The following GRIA1 variants were observed in gnomAD, a reference collection of about 807,000 sequenced individuals.
GRIA1 encodes glutamate ionotropic receptor AMPA type subunit 1, also known as glutamate receptor 1.
Under a neutral mutation model 99.2 loss-of-function variants are expected in GRIA1, and 31 were observed. The observed-to-expected ratio is 0.31, with a 90% CI of 0.23 to 0.42. The LOEUF is 0.42. Ranked by LOEUF, GRIA1 falls within the 10% of genes least tolerant of loss-of-function variation. The probability of loss-of-function intolerance (pLI) is 1.00; values close to 1 mark genes in which losing one functional copy is unlikely to be tolerated. For missense variants in GRIA1, 782 were observed against 1,157.5 expected, an observed-to-expected ratio of 0.68 and a Z score of 4.71; for synonymous variants, 438 against 432.4, an observed-to-expected ratio of 1.01 and a Z score of -0.16.
chr5:153,745,185 C>T (rs886849806), intron 11 of GRIA1, among the ~76,000 whole-genome samples: 5 of 152,054 alleles, frequency 3.3e-5, no homozygotes, highest in African/African-American at 7.3e-5. Flanking sequence ...TTCGGCTCTC[C>T]GCTTAAATAT....
intron 5 of GRIA1, among the ~76,000 whole-genome samples, chr5:153,656,158 TAGGGACA>T (rs1384024457): frequency 6.6e-6 from 1 of 152,136 alleles, no homozygotes; most frequent in Non-Finnish European, 1.5e-5. Context: ...CCCTTGGCAA[TAGGGACA>T]AAATCACCAC....
At chr5:153,734,531 G>A (rs1180764694) in intron 11 of GRIA1, among the ~76,000 whole-genome samples, 2 of 152,170 alleles carry the variant, frequency 1.3e-5, no homozygotes, top group Admixed American at 6.5e-5. Context: ...TTATGTAAAT[G>A]CTCTCTTCCA....
In GRIA1 at chr5:153,713,129, C is replaced by T. The variant is rs560103984; in HGVS notation, c.1823+7062C>T. Among the ~76,000 whole-genome samples, 9 of 152,322 alleles carry T rather than the reference C, an allele frequency of 5.9e-5. No homozygotes were observed. The South Asian group carries it at 1.7e-3, about 28-fold the overall frequency. ...CCGTAAACATGGAGCCCAGGGTCCGCCAGCTCACTACCCTATAGTATGTTA... is the reference window on the plus strand; with the variant it reads ...CCGTAAACATGGAGCCCAGGGTCCGTCAGCTCACTACCCTATAGTATGTTA... On this transcript the variant is annotated intron_variant, in intron 11 of 15. Coordinates refer to ENST00000285900, the MANE Select transcript of GRIA1 (RefSeq NM_000827.4).
chr5:153,736,237 T>G (rs1291858933), intron 11 of GRIA1, among the ~76,000 whole-genome samples: 1 of 152,242 alleles, frequency 6.6e-6, no homozygotes, highest in Non-Finnish European at 1.5e-5. Flanking sequence ...TCAAAAACGA[T>G]GCCATAAATA....
intron 7 of GRIA1, among the ~76,000 whole-genome samples, chr5:153,685,637 T>C (rs1757288043): frequency 6.6e-6 from 1 of 152,228 alleles, no homozygotes; most frequent in Non-Finnish European, 1.5e-5. Context: ...CTAAATTGCC[T>C]GAGGGCACTT....
chr5:153,571,003 T>C (rs1762065410), intron 2 of GRIA1, among the ~76,000 whole-genome samples: 1 of 152,180 alleles, frequency 6.6e-6, no homozygotes, highest in Non-Finnish European at 1.5e-5. Context: ...AAATGCAGGA[T>C]GGAGCAGGGA....
At chr5:153,559,834 A>G (rs1486857994) in intron 2 of GRIA1, among the ~76,000 whole-genome samples, 3 of 152,176 alleles carry the variant, frequency 2.0e-5, no homozygotes, top group Non-Finnish European at 2.9e-5. Context: ...TATACAAAAA[A>G]AAATTGCCTG....
chr5:153,510,658 G>T (rs758008819), intron 2 of GRIA1, among the ~76,000 whole-genome samples: 1 of 152,136 alleles, frequency 6.6e-6, no homozygotes, highest in Non-Finnish European at 1.5e-5. Flanking sequence ...TCAGGAATAA[G>T]TATTTGAGAG....
intron 13 of GRIA1, among the ~76,000 whole-genome samples, chr5:153,793,868 T>A (rs1011050580): frequency 6.6e-6 from 1 of 152,218 alleles, no homozygotes; most frequent in Non-Finnish European, 1.5e-5. Context: ...ACTAAAAGTT[T>A]CATGATCCTC....
chr5:153,791,272 C>CAA (rs111735656), intron 13 of GRIA1, among the ~76,000 whole-genome samples: 41 of 125,578 alleles, frequency 3.3e-4, no homozygotes, highest in African/African-American at 8.5e-4. Flanking sequence ...TCATATCTAC[C>CAA]AAAAAAAAAA....
At chr5:153,792,453 T>C (rs1042074849) in intron 13 of GRIA1, among the ~76,000 whole-genome samples, 4 of 152,316 alleles carry the variant, frequency 2.6e-5, no homozygotes, top group African/African-American at 9.6e-5. Flanking sequence ...TTGATCCCTA[T>C]AGCTTCCCTT....
intron 2 of GRIA1, among the ~76,000 whole-genome samples, chr5:153,606,625 G>C (rs1028041310): frequency 6.6e-6 from 1 of 151,266 alleles, no homozygotes; most frequent in African/African-American, 2.4e-5. Context: ...TTATTTTGTA[G>C]GTATTCAATG....
rs576216081 is a variant in GRIA1, at chr5:153,496,340, T to C, written c.220+2275T>C. Among the ~76,000 whole-genome samples, 3 of 152,350 alleles carry C rather than the reference T, an allele frequency of 2.0e-5. No homozygotes were observed. In the East Asian group the frequency reaches 5.8e-4, roughly 29 times the overall value. On this transcript the variant is annotated intron_variant, in intron 2 of 15. Transcript: ENST00000285900. ...TAGTGTACAGGTTTCCATGAATTCCTGTCTTGTTCGTTCAGTTAATTCTTT... is the reference window on the plus strand; with the variant it reads ...TAGTGTACAGGTTTCCATGAATTCCCGTCTTGTTCGTTCAGTTAATTCTTT...
intron 11 of GRIA1, among the ~76,000 whole-genome samples, chr5:153,712,624 G>A (rs1272532675): frequency 7.7e-6 from 1 of 129,872 alleles, no homozygotes; most frequent in East Asian, 2.0e-4. Context: ...GAAAGAGCCT[G>A]AGAGTAAATA....
At chr5:153,754,421 A>G (rs954645551) in intron 11 of GRIA1, among the ~76,000 whole-genome samples, 2 of 152,104 alleles carry the variant, frequency 1.3e-5, no homozygotes, top group Non-Finnish European at 2.9e-5. Flanking sequence ...GTAGGCGGGG[A>G]TGTAGGGACT....
intron 2 of GRIA1, among the ~76,000 whole-genome samples, chr5:153,498,043 T>C (rs1320473900): frequency 1.3e-5 from 2 of 152,142 alleles, no homozygotes; most frequent in African/African-American, 4.8e-5. Context: ...CACAAGCCAG[T>C]TCCAGCACAG....
chr5:153,644,287 G>A (rs987099630), intron 2 of GRIA1, among the ~76,000 whole-genome samples: 1 of 152,184 alleles, frequency 6.6e-6, no homozygotes, highest in South Asian at 2.1e-4. Context: ...ATTGTGGGCT[G>A]TGGATAGATA....
chr5:153,738,416 C>T (rs1761541394), intron 11 of GRIA1, among the ~76,000 whole-genome samples: 1 of 152,132 alleles, frequency 6.6e-6, no homozygotes, highest in Admixed American at 6.6e-5. Context: ...CCTTGCCAAG[C>T]TTCAGTTTCC....
intron 2 of GRIA1, among the ~76,000 whole-genome samples, chr5:153,566,268 T>C (rs1761601807): frequency 6.8e-6 from 1 of 146,528 alleles, no homozygotes; most frequent in South Asian, 2.2e-4. Flanking sequence ...TTATTTTGTA[T>C]ATCTTCTTTG....
Sources: gnomAD v4.1 joint callset for allele counts (sites outside exome capture counted in the v4.1 genomes callset) on GRCh38, gnomAD v4.1.1 for gene constraint, MANE v1.5 for transcripts, NCBI Gene and HGNC (gene_info 2026-07-23, HGNC 2026-07-21) for gene names.